The following GABRA3 variants were observed in gnomAD, a reference collection of about 807,000 sequenced individuals.
GABRA3 encodes gamma-aminobutyric acid receptor subunit alpha-3.
A neutral mutation model predicts 30.1 loss-of-function variants in GABRA3; 10 were observed. The observed-to-expected ratio is 0.33, with a 90% confidence interval of 0.20 to 0.56. GABRA3 has a LOEUF of 0.56. Ranked by LOEUF, GABRA3 falls within the 20% of genes least tolerant of loss-of-function variation. The pLI is 0.89. For missense variants in GABRA3, 233 were observed against 392.0 expected (o/e 0.59, Z 3.42); for synonymous variants, 151 against 146.8 (o/e 1.03, Z -0.21).
At chrX:152,247,805 G>T (rs746577517) in intron 5 of GABRA3, among the ~76,000 whole-genome samples, 1 of 111,092 alleles carries the variant, frequency 9.0e-6, no homozygotes, top group African/African-American at 3.3e-5. Flanking sequence ...ATTGCTGTGA[G>T]GATTAAATTT....
At chrX:152,409,642 T>C (rs1930020437) in intron 1 of GABRA3, among the ~76,000 whole-genome samples, 2 of 111,069 alleles carry the variant, frequency 1.8e-5, no homozygotes, top group Admixed American at 1.9e-4. Context: ...AACCAGAATA[T>C]ACAAGGAGCC....
intron 1 of GABRA3, among the ~76,000 whole-genome samples, chrX:152,435,473 T>A (rs969110134): frequency 9.1e-6 from 1 of 110,293 alleles, no homozygotes; most frequent in Non-Finnish European, 1.9e-5. Flanking sequence ...GAAACCATCA[T>A]TCTCAGCAAA....
At chrX:152,403,955 A>T (rs1929863288) in intron 1 of GABRA3, among the ~76,000 whole-genome samples, 1 of 111,067 alleles carries the variant, frequency 9.0e-6, no homozygotes, top group African/African-American at 3.3e-5. Flanking sequence ...GCATTTACTG[A>T]TTTCTAAATG....
At chrX:152,245,398 C>T (rs758570718) in intron 5 of GABRA3, among the ~76,000 whole-genome samples, 3 of 111,005 alleles carry the variant, frequency 2.7e-5, no homozygotes, top group African/African-American at 3.3e-5. Context: ...AAATATACTA[C>T]CACCAAACAC....
At chrX:152,323,686 G>A (rs1246034445) in intron 3 of GABRA3, among the ~76,000 whole-genome samples, 1 of 111,752 alleles carries the variant, frequency 8.9e-6, no homozygotes, top group Admixed American at 9.5e-5. Flanking sequence ...TGTAATGAGA[G>A]GATTAAACTG....
At chrX:152,200,123 T>C (rs778575803) in intron 7 of GABRA3, among the ~76,000 whole-genome samples, 2 of 112,048 alleles carry the variant, frequency 1.8e-5, no homozygotes, top group Non-Finnish European at 3.8e-5. Flanking sequence ...AACTATCCAA[T>C]GGTTTACCAT....
At chrX:152,295,371 T>C (rs1316204881) in intron 3 of GABRA3, among the ~76,000 whole-genome samples, 1 of 113,000 alleles carries the variant, frequency 8.8e-6, no homozygotes, top group Non-Finnish European at 1.9e-5. Flanking sequence ...CTTCCCCAGC[T>C]GCTTTGTTTA....
chrX:152,269,502 A>G (rs1453405027), intron 4 of GABRA3, among the ~76,000 whole-genome samples: 1 of 112,344 alleles, frequency 8.9e-6, no homozygotes, highest in African/African-American at 3.2e-5. Context: ...AAATTTATGT[A>G]GAATAACAAA....
chrX:152,179,375 A>G (rs1937114912), intron 9 of GABRA3, among the ~76,000 whole-genome samples: 1 of 111,005 alleles, frequency 9.0e-6, no homozygotes, highest in Non-Finnish European at 1.9e-5. Flanking sequence ...CACTTGTTGT[A>G]CGATAGGGTC....
intron 8 of GABRA3, among the ~76,000 whole-genome samples, 153 bp downstream of exon 8, chrX:152,197,480 C>T (rs771484260): frequency 3.6e-5 from 4 of 111,583 alleles, no homozygotes; most frequent in East Asian, 5.6e-4. Context: ...AGAATTCAGT[C>T]GTCTAAAACC....
At chrX:152,368,651 A>G (rs1030123222) in intron 1 of GABRA3, among the ~76,000 whole-genome samples, 1 of 110,098 alleles carries the variant, frequency 9.1e-6, no homozygotes, top group Admixed American at 9.6e-5. Flanking sequence ...TTGGATATAT[A>G]ACCAGTAGTG....
chrX:152,378,447 A>G (rs183607108), intron 1 of GABRA3, among the ~76,000 whole-genome samples: 41 of 112,295 alleles, frequency 3.7e-4, no homozygotes, highest in African/African-American at 1.2e-3. Flanking sequence ...AAGACTTTAG[A>G]AAGTAAAATG....
chrX:152,268,082 G>C (rs1450358374), intron 4 of GABRA3, among the ~76,000 whole-genome samples: 3 of 107,145 alleles, frequency 2.8e-5, no homozygotes, highest in Non-Finnish European at 5.8e-5. Context: ...GTTTTTTTTG[G>C]AGTGTCTTTC....
At chrX:152,272,010 G>A (rs1436423308) in intron 4 of GABRA3, among the ~76,000 whole-genome samples, 2 of 111,890 alleles carry the variant, frequency 1.8e-5, no homozygotes, top group East Asian at 5.6e-4. Context: ...TTGCTGCAGG[G>A]GTAGAGCCCT....
intron 7 of GABRA3, among the ~76,000 whole-genome samples, chrX:152,203,652 AAGAAT>A (rs1404682193): frequency 9.0e-6 from 1 of 111,493 alleles, no homozygotes; most frequent in Non-Finnish European, 1.9e-5. Context: ...GACTCTAGGG[AAGAAT>A]AGGTTTTCTC....
intron 1 of GABRA3, among the ~76,000 whole-genome samples, chrX:152,374,290 C>T (rs1928928988): frequency 9.4e-6 from 1 of 106,546 alleles, no homozygotes; most frequent in African/African-American, 3.4e-5. Context: ...TGTGGAGGAG[C>T]TCTTTAGTTT....
chrX:152,423,438 CAATTTATGACCAATGAG>C (rs1930428336), intron 1 of GABRA3, among the ~76,000 whole-genome samples: 1 of 112,029 alleles, frequency 8.9e-6, no homozygotes, highest in African/African-American at 3.2e-5. Flanking sequence ...GATGAAAGAA[CAATTTATGACCAATGAG>C]GAAATTATGA....
intron 9 of GABRA3, among the ~76,000 whole-genome samples, chrX:152,174,037 G>A (rs1313047356): frequency 2.7e-5 from 3 of 110,224 alleles, no homozygotes; most frequent in East Asian, 2.9e-4. Context: ...GAGAACATGC[G>A]GTGTTTGGTT....
Position 152,406,157 on chromosome X carries a change from G to A in GABRA3, c.-26-41561C>T, listed in dbSNP as rs747494161. 5.5e-5 allele frequency among the ~76,000 whole-genome samples: 6 copies of A among 109,820 alleles called. No homozygotes were observed. In the East Asian group the frequency reaches 1.7e-3, roughly 32 times the overall value. ...CAATGACCCCAGGCTTAAATCACAA[G>A]ATATATGAGAGAGAGGACCAACAAA... On this transcript the variant is annotated intron_variant, in intron 1 of 9. Coordinates refer to ENST00000370314, the MANE Select transcript of GABRA3 (RefSeq NM_000808.4).
Sources: gnomAD v4.1 joint callset for allele counts (sites outside exome capture counted in the v4.1 genomes callset) on GRCh38, gnomAD v4.1.1 for gene constraint, MANE v1.5 for transcripts, NCBI Gene and HGNC (gene_info 2026-07-23, HGNC 2026-07-21) for gene names.